ANXA9: variants seen among roughly 807,000 people sequenced by gnomAD.
The protein encoded by ANXA9 is annexin 31.
A neutral mutation model predicts 51.8 loss-of-function variants in ANXA9; 47 were observed. That is an observed-to-expected ratio of 0.91 (90% CI 0.72 to 1.16). The LOEUF is 1.16. Among genes scored for constraint, ANXA9 ranks in the 50% most tolerant of loss-of-function variants. The pLI is 0.00. For missense variants in ANXA9, 361 were observed against 424.7 expected (o/e 0.85, Z 1.32); for synonymous variants, 154 against 168.7 (o/e 0.91, Z 0.68).
At chr1:150,980,191 T>C (rs1218266560), upstream of ANXA9, among the ~76,000 whole-genome samples, 1 of 152,054 alleles carries the variant, frequency 6.6e-6, no homozygotes, top group Non-Finnish European at 1.5e-5. Flanking sequence ...GGTCAGGAGT[T>C]CGAGACCAGC....
rs141795811 is a variant in ANXA9, at chr1:150,994,126, G to C, written c.853-451G>C. 8.7e-4 allele frequency among the ~76,000 whole-genome samples: 133 copies of C among 152,318 alleles called. 1 individual carries two copies. The highest frequency in any genetic ancestry group is 3.2e-3 in the African/African-American group (131 of 41,564). On this transcript the variant is annotated intron_variant, in intron 12 of 13. Transcript: ENST00000368947. ...AGTCACACAACCTTGAACCCTATCA[G>C]AGCCTCATCAGCTCAGTTTAGGGAT... is the stretch of plus-strand genomic sequence containing the variant.
intron 12 of ANXA9, among the ~76,000 whole-genome samples, chr1:150,992,858 C>G (rs1432325786): frequency 6.6e-6 from 1 of 152,120 alleles, no homozygotes; most frequent in Non-Finnish European, 1.5e-5. Context: ...TTGCCCAATT[C>G]TGTAACTTTA....
intron 5 of ANXA9, 57 bp from the exon 6 acceptor site, chr1:150,984,224 C>A: frequency 6.4e-7 from 1 of 1,566,254 alleles, no homozygotes. Context: ...CCTCCCCACA[C>A]TTCTGGGGCC....
intron 6 of ANXA9, 51 bp downstream of exon 6, chr1:150,984,445 C>G: frequency 6.3e-7 from 1 of 1,592,066 alleles, no homozygotes. Flanking sequence ...AGAAGGCTGT[C>G]AGCCTTGCTT....
chr1:150,990,135 C>G (rs1344214873), intron 12 of ANXA9, among the ~76,000 whole-genome samples: 1 of 151,702 alleles, frequency 6.6e-6, no homozygotes, highest in Non-Finnish European at 1.5e-5. Flanking sequence ...ATAGCAAGAA[C>G]TCGTCTCTAC....
rs774818913 is a variant in ANXA9 at position 150,994,650 on chromosome 1, G to C, written c.926G>C (p.Arg309Thr). The change falls in exon 13 of 14, where the codon AGA (arginine) becomes ACA (threonine). Residue 309 changes from arginine (R) to threonine (T), a missense_variant. Physicochemically the swap from Arg to Thr is moderately conservative, Grantham distance 71 (BLOSUM62 -1). Transcript: ENST00000368947. ...SRCETDLLSI[R>T]AEFRKKFGKS... ...TGTGAGACTGACCTTCTGAGTATCA[G>C]AGCTGAGTTCAGGAAGAAATTTGGG... 4.0e-5 allele frequency: 64 copies of C among 1,613,974 alleles called. No individual in the cohort carries two copies. Among genetic ancestry groups the C allele is most frequent in the Non-Finnish European group, 5.2e-5 (61 of 1,180,006 alleles).
chr1:150,985,532 T>C (rs911311862), intron 7 of ANXA9, among the ~76,000 whole-genome samples: 1 of 151,750 alleles, frequency 6.6e-6, no homozygotes, highest in Admixed American at 6.6e-5. Flanking sequence ...TACCTCTTTT[T>C]CTTGCTTTCC....
intron 11 of ANXA9, 47 bp from the exon 12 acceptor site, chr1:150,988,236 A>G (rs1671616558): frequency 6.2e-7 from 1 of 1,613,940 alleles, no homozygotes. Context: ...GGGATGGGAG[A>G]TTGTGGTCCT....
At chr1:150,983,841 T>C in intron 4 of ANXA9, 134 bp from the exon 5 acceptor site, 1 of 822,664 alleles carries the variant, frequency 1.2e-6, no homozygotes, top group South Asian at 1.7e-5. Context: ...TGAGATAAAA[T>C]GGAAGTGGGG....
At chr1:150,986,284 T>A in intron 7 of ANXA9, 52 bp from the exon 8 acceptor site, 1 of 1,554,844 alleles carries the variant, frequency 6.4e-7, no homozygotes. Context: ...CCTGGGGATA[T>A]CTACACTAGG....
intron 12 of ANXA9, among the ~76,000 whole-genome samples, chr1:150,991,171 TAAAC>T (rs1379459157): frequency 6.6e-6 from 1 of 150,658 alleles, no homozygotes; most frequent in African/African-American, 2.4e-5. Flanking sequence ...AATAAATAAA[TAAAC>T]AAATATAAAA....
chr1:150,978,498 G>A (rs1423168587), upstream of ANXA9, among the ~76,000 whole-genome samples: 2 of 152,200 alleles, frequency 1.3e-5, no homozygotes, highest in African/African-American at 4.8e-5. Flanking sequence ...GAACAGTGGA[G>A]GCGGTGTATG....
At chr1:150,980,632 T>C (rs1671400042), upstream of ANXA9, among the ~76,000 whole-genome samples, 1 of 134,212 alleles carries the variant, frequency 7.5e-6, no homozygotes, top group African/African-American at 2.8e-5. Flanking sequence ...GGCTGTGGAG[T>C]GCAGTGGCGC....
At chr1:150,983,883 C>A (rs1203879963) in intron 4 of ANXA9, 92 bp from the exon 5 acceptor site, 2 of 1,241,348 alleles carry the variant, frequency 1.6e-6, no homozygotes, top group Non-Finnish European at 2.3e-6. Flanking sequence ...TCCTTCCCAG[C>A]CCTCTCCTGG....
upstream of ANXA9, among the ~76,000 whole-genome samples, chr1:150,979,560 C>T (rs1473531925): frequency 6.6e-6 from 1 of 152,176 alleles, no homozygotes; most frequent in African/African-American, 2.4e-5. Flanking sequence ...AACCTGGCGT[C>T]CTCAGGAGGC....
Position 150,984,386 on chromosome 1 carries a change from G to T in ANXA9, c.373G>T (p.Ala125Ser), listed in dbSNP as rs1447786343. The T allele has an allele frequency of 6.2e-7, 1 of 1,614,130 alleles. No homozygotes were observed. The highest frequency in any genetic ancestry group is 8.5e-7 in the Non-Finnish European group (1 of 1,179,980). The change falls in exon 6 of 14, where the codon GCT becomes TCT. Residue 125 changes from alanine to serine, a missense_variant. Transcript: ENST00000368947. The part of the protein sequence containing the change: ...AQFDAQELRT[A>S]LKASDSAVDV... ...GTTTGACGCCCAGGAATTGAGGACA[G>T]CTCTGAAGGTAGCAGGAGGGGAGAC...
At chr1:150,981,467 C>T (rs899676888), upstream of ANXA9, among the ~76,000 whole-genome samples, 1 of 152,162 alleles carries the variant, frequency 6.6e-6, no homozygotes, top group African/African-American at 2.4e-5. Flanking sequence ...CATGGCGGGG[C>T]GGGGGCTCCA....
rs749048611 is a variant in ANXA9, at chr1:150,986,581, A to G, written c.553-21A>G. On this transcript the variant is annotated intron_variant, in intron 8 of 13. Transcript: ENST00000368947. Reference sequence around the variant, plus strand: ...AAAGGTGCCCTTCAAAGAGCCCTCTAAGAACAGTTTCTCCTCCTAGGGGGG... The same window carrying G: ...AAAGGTGCCCTTCAAAGAGCCCTCTGAGAACAGTTTCTCCTCCTAGGGGGG... 1.9e-6 allele frequency: 3 copies of G among 1,611,354 alleles called. No homozygotes were observed. The African/African-American group carries it at 4.0e-5, about 22-fold the overall frequency.
Position 150,984,658 on chromosome 1 carries a change from C to G in ANXA9, c.454C>G (p.Leu152Val), listed in dbSNP as rs200014201. Reference sequence around the variant, plus strand: ...AACCCCACCCCAGCTGCAGGAGTGCCTGGCAGTCTACAAACACAGTAAGAA... The same window carrying G: ...AACCCCACCCCAGCTGCAGGAGTGCGTGGCAGTCTACAAACACAGTAAGAA... ...TRTPPQLQEC[L>V]AVYKHNFQVE... The change falls in exon 7 of 14, where the codon CTG (leucine) becomes GTG (valine). Residue 152 changes from leucine (L) to valine (V), a missense_variant. Coordinates refer to ENST00000368947, the MANE Select transcript of ANXA9 (RefSeq NM_003568.3). 112 of 1,613,994 alleles carry G rather than the reference C, an allele frequency of 6.9e-5. 1 individual carries two copies. The East Asian group carries it at 2.4e-3, about 35-fold the overall frequency.
Sources: allele counts gnomAD v4.1 joint callset (sites outside exome capture counted in the v4.1 genomes callset), GRCh38; gene constraint gnomAD v4.1.1; transcripts MANE v1.5; gene names NCBI Gene and HGNC (gene_info 2026-07-23, HGNC 2026-07-21).